Variants in CNTNAP2 observed in about 807,000 individuals in gnomAD.
CNTNAP2 encodes contactin associated protein 2, also known as contactin-associated protein-like 2.
A neutral mutation model predicts 155.2 loss-of-function variants in CNTNAP2; 98 were observed. The ratio of observed to expected loss-of-function variants is 0.63; its 90% CI spans 0.54 to 0.75. The LOEUF (loss-of-function observed/expected upper bound fraction) is 0.75. Ranked by LOEUF, CNTNAP2 falls within the 30% of genes least tolerant of loss-of-function variation. CNTNAP2 has a pLI of 0.00. For synonymous variants in CNTNAP2, 651 were observed against 631.2 expected, an observed-to-expected ratio of 1.03 and a Z score of -0.47; for missense variants, 1,727 against 1,688.1, an observed-to-expected ratio of 1.02 and a Z score of -0.40.
intron 1 of CNTNAP2, among the ~76,000 whole-genome samples, chr7:146,713,147 AGC>A (rs2129175683): frequency 6.6e-6 from 1 of 152,304 alleles, no homozygotes; most frequent in South Asian, 2.1e-4. Context: ...AACATATAAA[AGC>A]AGGCATACTC....
chr7:147,703,296 A>G (rs1480624476), intron 13 of CNTNAP2, among the ~76,000 whole-genome samples: 1 of 152,214 alleles, frequency 6.6e-6, no homozygotes, highest in Non-Finnish European at 1.5e-5. Flanking sequence ...TCTAACAGTA[A>G]TGAATTTCTG....
intron 3 of CNTNAP2, among the ~76,000 whole-genome samples, chr7:146,992,298 T>C (rs754875731): frequency 2.0e-5 from 3 of 152,208 alleles, no homozygotes; most frequent in Admixed American, 6.5e-5. Flanking sequence ...GATCGTTTTA[T>C]GCTACATATT....
chr7:147,345,066 T>G (rs1795830987), intron 9 of CNTNAP2, among the ~76,000 whole-genome samples: 1 of 152,190 alleles, frequency 6.6e-6, no homozygotes, highest in Non-Finnish European at 1.5e-5. Context: ...GGTGTACACA[T>G]AAAATTTAAG....
In CNTNAP2 at chr7:147,223,953, A is replaced by G. The variant is rs28868599; in HGVS notation, c.1349-76188A>G. Among the ~76,000 whole-genome samples, 859 of 151,512 alleles carry G rather than the reference A, an allele frequency of 5.7e-3. 10 individuals carry two copies. Among genetic ancestry groups the G allele is most frequent in the African/African-American group, 0.017 (705 of 41,318 alleles). On this transcript the variant is annotated intron_variant, in intron 8 of 23. Coordinates refer to ENST00000361727, the MANE Select transcript of CNTNAP2 (RefSeq NM_014141.6). The stretch of plus-strand genomic sequence containing the variant: ...AGACTCAATCTCAAAAAAAAAAAAA[A>G]AAAGAAAGAAAGAAAAAAGAAAAGA...
intron 1 of CNTNAP2, among the ~76,000 whole-genome samples, chr7:146,472,625 T>G (rs1428033733): frequency 1.3e-5 from 2 of 152,204 alleles, no homozygotes; most frequent in African/African-American, 4.8e-5. Context: ...AATATATATG[T>G]GTATCCAAGC....
chr7:147,084,759 TATATG>T (rs1269959460), intron 4 of CNTNAP2, among the ~76,000 whole-genome samples: 3 of 147,966 alleles, frequency 2.0e-5, no homozygotes, highest in Admixed American at 6.8e-5. Flanking sequence ...TAATATGTGA[TATATG>T]ATATATAATA....
At chr7:146,589,562 A>G (rs1408365196) in intron 1 of CNTNAP2, among the ~76,000 whole-genome samples, 2 of 151,958 alleles carry the variant, frequency 1.3e-5, no homozygotes, top group Non-Finnish European at 2.9e-5. Flanking sequence ...GAACACATGG[A>G]CACAGGGAGG....
chr7:146,218,757 C>CCACACAT (rs1023027179), intron 1 of CNTNAP2, among the ~76,000 whole-genome samples: 1 of 151,844 alleles, frequency 6.6e-6, no homozygotes, highest in Admixed American at 6.6e-5. Context: ...ATTTAAATAG[C>CCACACAT]CACACATGGC....
chr7:148,365,810 A>G (rs71534748), intron 21 of CNTNAP2, among the ~76,000 whole-genome samples: 16,002 of 50,634 alleles, frequency 0.32, 6,919 homozygotes, highest in East Asian at 0.65. Context: ...ATGTGTATGC[A>G]TGTATACATG....
intron 1 of CNTNAP2, among the ~76,000 whole-genome samples, chr7:146,271,469 C>T (rs1479058984): frequency 6.6e-6 from 1 of 151,394 alleles, no homozygotes; most frequent in Non-Finnish European, 1.5e-5. Context: ...CTTCAAAGTC[C>T]CTAATAAAAA....
intron 4 of CNTNAP2, among the ~76,000 whole-genome samples, chr7:147,068,166 C>G (rs981443425): frequency 6.6e-6 from 1 of 152,130 alleles, no homozygotes; most frequent in Non-Finnish European, 1.5e-5. Context: ...CTGCCTAACT[C>G]AGGCCCACTA....
At chr7:146,771,724 G>A (rs1395582664) in intron 1 of CNTNAP2, among the ~76,000 whole-genome samples, 1 of 152,152 alleles carries the variant, frequency 6.6e-6, no homozygotes, top group Admixed American at 6.5e-5. Flanking sequence ...GTATACAATT[G>A]AGTGGTGAGA....
chr7:146,442,991 G>A (rs983725226), intron 1 of CNTNAP2, among the ~76,000 whole-genome samples: 1 of 151,996 alleles, frequency 6.6e-6, no homozygotes, highest in Non-Finnish European at 1.5e-5. Flanking sequence ...CAGATCACCA[G>A]GTCAGGAAAT....
chr7:147,802,770 GGGGAGA>G (rs1252498373), intron 13 of CNTNAP2, among the ~76,000 whole-genome samples: 57 of 143,288 alleles, frequency 4.0e-4, no homozygotes, highest in Middle Eastern at 3.6e-3. Context: ...ACTGTGGAAA[GGGGAGA>G]GGGAGAGGGA....
At chr7:146,839,570 A>T (rs1803679280) in intron 2 of CNTNAP2, 141 bp from the exon 3 acceptor site, 1 of 839,048 alleles carries the variant, frequency 1.2e-6, no homozygotes, top group South Asian at 1.5e-5. Flanking sequence ...TCCCAATGGC[A>T]TCTATAAAGG....
intron 11 of CNTNAP2, among the ~76,000 whole-genome samples, chr7:147,533,041 G>GA (rs202241425): frequency 0.026 from 4,019 of 152,238 alleles, 60 homozygotes; most frequent in Non-Finnish European, 0.033. Flanking sequence ...AACTCTGGGA[G>GA]AAAAAATCTA....
At chr7:146,334,232 C>A (rs1280695859) in intron 1 of CNTNAP2, among the ~76,000 whole-genome samples, 1 of 152,068 alleles carries the variant, frequency 6.6e-6, no homozygotes, top group Non-Finnish European at 1.5e-5. Flanking sequence ...GAGATCGAGA[C>A]CATCCTGGCT....
intron 21 of CNTNAP2, among the ~76,000 whole-genome samples, chr7:148,335,684 A>C (rs10229161): frequency 0.19 from 28,709 of 152,130 alleles, 2,795 homozygotes; most frequent in South Asian, 0.33. Context: ...CCCTAAAAGA[A>C]ATGCGGGAGA....
At chr7:148,255,357 C>T (rs1188681376) in intron 20 of CNTNAP2, among the ~76,000 whole-genome samples, 1 of 152,178 alleles carries the variant, frequency 6.6e-6, no homozygotes, top group Non-Finnish European at 1.5e-5. Flanking sequence ...GCTATATCAG[C>T]TGTGAAATGA....
Sources: allele counts gnomAD v4.1 joint callset (sites outside exome capture counted in the v4.1 genomes callset), GRCh38; gene constraint gnomAD v4.1.1; transcripts MANE v1.5; gene names NCBI Gene and HGNC (gene_info 2026-07-23, HGNC 2026-07-21).